ZZEF1: variants seen among roughly 807,000 people sequenced by gnomAD.
The protein encoded by ZZEF1 is zinc finger ZZ-type and EF-hand domain containing 1.
A neutral mutation model predicts 342.8 loss-of-function variants in ZZEF1; 157 were observed. The ratio of observed to expected loss-of-function variants is 0.46; its 90% CI spans 0.40 to 0.52. The LOEUF (loss-of-function observed/expected upper bound fraction) is 0.52. Among genes scored for constraint, ZZEF1 ranks in the 20% least tolerant of loss-of-function variants. The pLI is 0.00. For missense variants in ZZEF1, 3,480 were observed against 3,725.6 expected, an observed-to-expected ratio of 0.93 and a Z score of 1.72; for synonymous variants, 1,505 against 1,429.1, an observed-to-expected ratio of 1.05 and a Z score of -1.20.
At chr17:4,009,238 T>C (rs191090873) in intron 53 of ZZEF1, 5 of 564,464 alleles carry the variant, frequency 8.9e-6, no homozygotes, top group Admixed American at 3.1e-5. Context: ...TAAAGAACTC[T>C]GAAAGGCCCT....
chr17:4,016,489 G>A lies in ZZEF1; in HGVS notation c.8002-23C>T, dbSNP rs962845866. 1.3e-6 allele frequency: 2 copies of A among 1,589,456 alleles called. No homozygotes were observed. Among genetic ancestry groups the A allele is most frequent in the African/African-American group, 2.7e-5 (2 of 73,940 alleles). On this transcript the variant is annotated intron_variant, in intron 48 of 54. Transcript: ENST00000381638. This position sits in a 1 kb window ranked among gnomAD's most constrained non-coding sequence, Gnocchi z 4.4. ...GATCTGGTGGGAAGCAGACAGATAAGGTCAGGGCCTGCAAGTGGCATCAGG... is the reference window on the plus strand; with the variant it reads ...GATCTGGTGGGAAGCAGACAGATAAAGTCAGGGCCTGCAAGTGGCATCAGG...
chr17:4,103,538 C>G (rs943219522), intron 8 of ZZEF1, among the ~76,000 whole-genome samples: 1 of 151,904 alleles, frequency 6.6e-6, no homozygotes, highest in African/African-American at 2.4e-5. Flanking sequence ...CAGAGCAGGA[C>G]TCTGTCTCAA....
chr17:4,007,298 AAACG>A (rs1421591938), intron 54 of ZZEF1, among the ~76,000 whole-genome samples: 9 of 152,250 alleles, frequency 5.9e-5, no homozygotes, highest in African/African-American at 2.2e-4. Flanking sequence ...CACTCACAGG[AAACG>A]AACAGCCAGT....
chr17:4,092,279 A>C (rs1567834440), intron 11 of ZZEF1, among the ~76,000 whole-genome samples: 2 of 148,168 alleles, frequency 1.3e-5, no homozygotes, highest in African/African-American at 5.0e-5. Context: ...TAGGTTCTGT[A>C]ACAGAGAGAA....
intron 2 of ZZEF1, among the ~76,000 whole-genome samples, chr17:4,117,934 T>C (rs1301205917): frequency 6.6e-6 from 1 of 152,078 alleles, no homozygotes; most frequent in African/African-American, 2.4e-5. Context: ...TTACAACCAA[T>C]AAGGTGCTTC....
chr17:4,035,314 C>G (rs1205095179), intron 39 of ZZEF1, among the ~76,000 whole-genome samples: 1 of 152,098 alleles, frequency 6.6e-6, no homozygotes, highest in African/African-American at 2.4e-5. Flanking sequence ...AGTATGAAAA[C>G]AAAGCAATCA....
In ZZEF1 at chr17:4,132,995, A is replaced by G. The variant is rs563796233; in HGVS notation, c.355-8944T>C. Among the ~76,000 whole-genome samples the G allele has an allele frequency of 2.4e-3, 366 of 152,172 alleles. 1 individual carries two copies. Among genetic ancestry groups the G allele is most frequent in the African/African-American group, 8.2e-3 (341 of 41,546 alleles). On this transcript the variant is annotated intron_variant, in intron 1 of 54. Transcript: ENST00000381638. ...AAAAAAGTGGAGCAGGTGGGGGAAG[A>G]AGGAGGTGGCACAGAGCAGAGCCTC... is the stretch of plus-strand genomic sequence containing the variant.
rs1043731376 is a variant in ZZEF1 at position 4,014,902 on chromosome 17, G to A, written c.8146-387C>T. Among the ~76,000 whole-genome samples, 1 of 152,186 alleles carries A rather than the reference G, an allele frequency of 6.6e-6. No individual in the cohort carries two copies. Among genetic ancestry groups the A allele is most frequent in the African/African-American group, 2.4e-5 (1 of 41,434 alleles). Reference sequence around the variant, plus strand: ...TTCAGGGAATGGCAAGGAGCTTGGCGTGTTTGGAGTAAAGGGTGTGCTACA... The same window carrying A: ...TTCAGGGAATGGCAAGGAGCTTGGCATGTTTGGAGTAAAGGGTGTGCTACA... On this transcript the variant is annotated intron_variant, in intron 49 of 54. Transcript: ENST00000381638. The surrounding 1 kb of genome is among the most constrained non-coding windows in gnomAD (Gnocchi z 4.4).
Position 4,114,292 on chromosome 17 carries a change from C to A in ZZEF1, c.866+7G>T. The A allele has an allele frequency of 6.4e-7, 1 of 1,570,170 alleles. No homozygotes were observed. The highest frequency in any genetic ancestry group is 8.6e-7 in the Non-Finnish European group (1 of 1,161,590). ...TAAAAAACAAAAAAGTATTATATAC[C>A]ACCCACCGAATCCAGTGTGAACAGG... is the stretch of plus-strand genomic sequence containing the variant. On this transcript the variant is annotated splice_region_variant and intron_variant, in intron 4 of 54. Transcript: ENST00000381638.
chr17:4,006,876 C>G lies in ZZEF1; in HGVS notation c.*14G>C. 6.4e-7 allele frequency: 1 copy of G among 1,573,092 alleles called. No individual in the cohort carries two copies. The highest frequency in any genetic ancestry group is 1.3e-5 in the African/African-American group (1 of 74,300). ...GTGGCAGATGAACTAGTCCCATGCACGCCCCACCAAGGGCTAACACTCCAC... is the reference window on the plus strand; with the variant it reads ...GTGGCAGATGAACTAGTCCCATGCAGGCCCCACCAAGGGCTAACACTCCAC... On this transcript the variant is annotated 3_prime_UTR_variant, in exon 55 of 55. Transcript: ENST00000381638.
chr17:4,040,773 A>G (rs1476890843), intron 39 of ZZEF1, among the ~76,000 whole-genome samples: 1 of 152,218 alleles, frequency 6.6e-6, no homozygotes, highest in African/African-American at 2.4e-5. Flanking sequence ...TCCCATCAGA[A>G]GTAAGCTGGC....
rs75812334 is a variant in ZZEF1, at chr17:4,086,903, G to T, written c.2343-248C>A. ...CATTTCTTTTTGTTGTTGTTGTTGA[G>T]ACCGAGTCTCACTCTGTCTCCCAGG... is the stretch of plus-strand genomic sequence containing the variant. On this transcript the variant is annotated intron_variant, in intron 14 of 54. Transcript: ENST00000381638. 2.1e-3 allele frequency among the ~76,000 whole-genome samples: 322 copies of T among 152,260 alleles called. 1 individual carries two copies. The highest frequency in any genetic ancestry group is 0.017 in the Middle Eastern group (5 of 294).
chr17:4,030,518 T>C (rs1411736035), intron 42 of ZZEF1, among the ~76,000 whole-genome samples: 2 of 152,198 alleles, frequency 1.3e-5, no homozygotes, highest in African/African-American at 4.8e-5. Flanking sequence ...GCAATGCCAA[T>C]CAAAATCCCA....
intron 8 of ZZEF1, among the ~76,000 whole-genome samples, chr17:4,102,728 G>T (rs997929015): frequency 1.7e-4 from 26 of 152,096 alleles, no homozygotes; most frequent in African/African-American, 5.3e-4. Flanking sequence ...TTGGGGGGGT[G>T]ATTCCTAAGA....
chr17:4,142,148 G>T (rs981107819), intron 1 of ZZEF1, among the ~76,000 whole-genome samples: 3 of 152,164 alleles, frequency 2.0e-5, no homozygotes, highest in Admixed American at 1.3e-4. Flanking sequence ...ACTGAATTGG[G>T]AAGGTGCTGT....
chr17:4,049,139 C>T (rs2056991038), intron 37 of ZZEF1, among the ~76,000 whole-genome samples: 1 of 152,156 alleles, frequency 6.6e-6, no homozygotes, highest in Admixed American at 6.5e-5. Context: ...CATACAGTAG[C>T]TCAAAGTACG....
At chr17:4,054,399 C>T (rs1166136750) in intron 33 of ZZEF1, among the ~76,000 whole-genome samples, 2 of 152,172 alleles carry the variant, frequency 1.3e-5, no homozygotes, top group African/African-American at 2.4e-5. Context: ...AGTGCTTTCA[C>T]AGGAAATTGC....
chr17:4,073,350 G>T (rs1036354375), intron 24 of ZZEF1, among the ~76,000 whole-genome samples: 17 of 152,162 alleles, frequency 1.1e-4, no homozygotes, highest in Middle Eastern at 3.4e-3. Context: ...AAATGATCAA[G>T]AAATAAAATA....
In ZZEF1 at chr17:4,066,458, G is replaced by A; in HGVS notation, c.4238C>T (p.Pro1413Leu). 1.2e-6 allele frequency: 2 copies of A among 1,614,072 alleles called. No homozygotes were observed. The highest frequency in any genetic ancestry group is 1.7e-6 in the Non-Finnish European group (2 of 1,179,998). Residue 1413 changes from proline (P) to leucine (L), a missense_variant, in exon 28 of 55, where the codon CCT (proline) becomes CTT (leucine). By Grantham distance (98) the Pro-to-Leu change is moderately conservative. Transcript: ENST00000381638. ...KHSSEATEVN[P>L]ESLAKECIEK... ...GTTAGCACACTCACCCAGGCTCTCAGGGTTCACCTCAGTAGCTTCTGAACT... is the reference window on the plus strand; with the variant it reads ...GTTAGCACACTCACCCAGGCTCTCAAGGTTCACCTCAGTAGCTTCTGAACT...
Sources: gnomAD v4.1 joint callset for allele counts (sites outside exome capture counted in the v4.1 genomes callset) on GRCh38, gnomAD v4.1.1 for gene constraint, Gnocchi (gnomAD v3.1) non-coding constraint, MANE v1.5 for transcripts, NCBI Gene and HGNC (gene_info 2026-07-23, HGNC 2026-07-21) for gene names.